The following CSMD1 variants were observed in gnomAD, a reference collection of about 807,000 sequenced individuals.
CSMD1 encodes CUB and Sushi multiple domains 1.
CSMD1 carries 213 observed loss-of-function variants against 417.5 expected under a neutral mutation model. The ratio of observed to expected loss-of-function variants is 0.51; its 90% CI spans 0.46 to 0.57. The LOEUF (loss-of-function observed/expected upper bound fraction) is 0.57, where lower values mean the gene tolerates loss of function less well. CSMD1 is among the 20% of genes least tolerant of loss of function. The probability of loss-of-function intolerance (pLI) is 0.00; values close to 1 mark genes in which losing one functional copy is unlikely to be tolerated. For missense variants in CSMD1, 6,923 were observed against 4,529.7 expected (o/e 1.53, Z -15.17); for synonymous variants, 2,862 against 1,736.8 (o/e 1.65, Z -16.11).
At chr8:3,372,461 T>C (rs1219630855) in intron 18 of CSMD1, among the ~76,000 whole-genome samples, 2 of 151,872 alleles carry the variant, frequency 1.3e-5, no homozygotes, top group Non-Finnish European at 2.9e-5. Flanking sequence ...TACACAGTGG[T>C]GAAGGGAGGA....
intron 1 of CSMD1, among the ~76,000 whole-genome samples, chr8:4,899,836 G>C (rs181971681): frequency 5.3e-4 from 81 of 152,266 alleles, no homozygotes; most frequent in African/African-American, 1.9e-3. Flanking sequence ...AAATAAGCAG[G>C]TCTTGCAGAT....
chr8:4,950,406 G>T (rs933582418), intron 1 of CSMD1, among the ~76,000 whole-genome samples: 1 of 152,064 alleles, frequency 6.6e-6, no homozygotes, highest in Non-Finnish European at 1.5e-5. Context: ...CCACAAACAA[G>T]CGTTTTTAGA....
At chr8:3,516,540 C>T (rs1370508254) in intron 10 of CSMD1, among the ~76,000 whole-genome samples, 1 of 152,184 alleles carries the variant, frequency 6.6e-6, no homozygotes, top group African/African-American at 2.4e-5. Context: ...AAGCACATCA[C>T]ATTATCAGGT....
chr8:4,303,999 T>C lies in CSMD1; in HGVS notation c.415+115954A>G, dbSNP rs115768033. ...CCTCCTGCCTAGAACCTGAACATGATGTCTAGGAAGCGTCCATAAAAGAAC... is the reference window on the plus strand; with the variant it reads ...CCTCCTGCCTAGAACCTGAACATGACGTCTAGGAAGCGTCCATAAAAGAAC... On this transcript the variant is annotated intron_variant, in intron 3 of 69. Coordinates refer to ENST00000635120, the MANE Select transcript of CSMD1 (RefSeq NM_033225.6). 1.5e-3 allele frequency among the ~76,000 whole-genome samples: 227 copies of C among 152,222 alleles called. 1 individual carries two copies. Among genetic ancestry groups the C allele is most frequent in the African/African-American group, 5.3e-3 (220 of 41,536 alleles).
At chr8:4,899,545 C>G (rs1357290630) in intron 1 of CSMD1, among the ~76,000 whole-genome samples, 1 of 152,152 alleles carries the variant, frequency 6.6e-6, no homozygotes, top group Non-Finnish European at 1.5e-5. Flanking sequence ...GTATCTATAT[C>G]ACTCTTTCTT....
intron 35 of CSMD1, 75 bp from the exon 36 acceptor site, chr8:3,188,040 GTTTT>G: frequency 2.0e-6 from 2 of 989,642 alleles, no homozygotes; most frequent in Non-Finnish European, 3.1e-6. Flanking sequence ...GGGTTTTGGG[GTTTT>G]TCATGATTAA....
intron 50 of CSMD1, among the ~76,000 whole-genome samples, chr8:3,037,521 A>T (rs1025073572): frequency 6.6e-6 from 1 of 152,092 alleles, no homozygotes; most frequent in African/African-American, 2.4e-5. Context: ...TGTGGATTTC[A>T]TATCTTTGCT....
chr8:4,277,198 CAT>C (rs3069751), intron 3 of CSMD1, among the ~76,000 whole-genome samples: 37,649 of 142,832 alleles, frequency 0.26, 4,814 homozygotes, highest in South Asian at 0.33. Flanking sequence ...CTACAGATAA[CAT>C]ATATATATAT....
Position 4,414,965 on chromosome 8 carries a change from A to G in CSMD1, c.415+4988T>C, listed in dbSNP as rs76445718. On this transcript the variant is annotated intron_variant, in intron 3 of 69. Transcript: ENST00000635120. ...CTCCCTGCATTTATTTTGGGACAAT[A>G]TAACTATCACTTAAAAGCCAAAATG... Among the ~76,000 whole-genome samples, 894 of 152,270 alleles carry G rather than the reference A, an allele frequency of 5.9e-3. 33 individuals carry two copies. The East Asian group carries it at 0.092, about 16-fold the overall frequency.
intron 1 of CSMD1, among the ~76,000 whole-genome samples, chr8:4,643,917 G>A (rs1196773271): frequency 1.3e-5 from 2 of 152,228 alleles, no homozygotes; most frequent in Admixed American, 1.3e-4. Context: ...AAAGCCTGAT[G>A]ATTCTCAGAT....
At chr8:3,103,361 C>A (rs1414564058) in intron 46 of CSMD1, among the ~76,000 whole-genome samples, 3 of 152,122 alleles carry the variant, frequency 2.0e-5, no homozygotes, top group African/African-American at 7.2e-5. Context: ...CTTAAACACA[C>A]CCAGATGGTA....
At chr8:4,744,194 G>A (rs1048719589) in intron 1 of CSMD1, among the ~76,000 whole-genome samples, 9 of 152,160 alleles carry the variant, frequency 5.9e-5, no homozygotes, top group Admixed American at 5.2e-4. Context: ...CACAGGGACT[G>A]ACTGACGGTC....
intron 21 of CSMD1, among the ~76,000 whole-genome samples, chr8:3,354,889 G>A (rs34438895): frequency 1.4e-5 from 2 of 140,926 alleles, no homozygotes; most frequent in East Asian, 2.1e-4. Flanking sequence ...CTATAGATAT[G>A]TCTATCTATA....
At chr8:3,820,378 A>G (rs528838756) in intron 5 of CSMD1, among the ~76,000 whole-genome samples, 19 of 152,178 alleles carry the variant, frequency 1.2e-4, no homozygotes, top group Non-Finnish European at 2.6e-4. Context: ...TGAACTGAGT[A>G]CCAAAGAAGG....
At chr8:3,839,060 C>T (rs1802921908) in intron 5 of CSMD1, among the ~76,000 whole-genome samples, 1 of 123,526 alleles carries the variant, frequency 8.1e-6, no homozygotes, top group African/African-American at 3.0e-5. Context: ...AATATATAGC[C>T]TATAGATATA....
chr8:4,422,530 G>A lies in CSMD1; in HGVS notation c.303-2465C>T, dbSNP rs575206581. 1.4e-4 allele frequency among the ~76,000 whole-genome samples: 22 copies of A among 152,184 alleles called. No individual in the cohort carries two copies. The South Asian group carries it at 4.6e-3, about 32-fold the overall frequency. On this transcript the variant is annotated intron_variant, in intron 2 of 69. Coordinates refer to ENST00000635120, the MANE Select transcript of CSMD1 (RefSeq NM_033225.6). The stretch of plus-strand genomic sequence containing the variant: ...ACTGAGAAAAGACCATGTGAGCATG[G>A]AACAGGAAGGATGCTGTCTACAAGT...
chr8:3,488,212 T>C (rs1818170659), intron 11 of CSMD1, among the ~76,000 whole-genome samples: 1 of 151,894 alleles, frequency 6.6e-6, no homozygotes, highest in South Asian at 2.1e-4. Context: ...AATCGACCCT[T>C]TCACCTTAGC....
chr8:3,504,124 A>C (rs1361271725), intron 10 of CSMD1, among the ~76,000 whole-genome samples: 1 of 152,152 alleles, frequency 6.6e-6, no homozygotes, highest in Middle Eastern at 3.2e-3. Flanking sequence ...GAAATGATGA[A>C]TGTTTGAAGT....
intron 5 of CSMD1, among the ~76,000 whole-genome samples, chr8:3,799,491 G>C (rs1260747980): frequency 6.8e-6 from 1 of 146,532 alleles, no homozygotes; most frequent in African/African-American, 2.5e-5. Flanking sequence ...GTGAGACATG[G>C]ATTTGAAGAA....
Sources: gnomAD v4.1 joint callset for allele counts (sites outside exome capture counted in the v4.1 genomes callset) on GRCh38, gnomAD v4.1.1 for gene constraint, MANE v1.5 for transcripts, NCBI Gene and HGNC (gene_info 2026-07-23, HGNC 2026-07-21) for gene names.